The following BORCS8 variants were observed in gnomAD, a reference collection of about 807,000 sequenced individuals.
The protein encoded by BORCS8 is BLOC-1-related complex subunit 8.
Under a neutral mutation model 18.7 loss-of-function variants are expected in BORCS8, and 13 were observed. That is an observed-to-expected ratio of 0.70 (90% CI 0.45 to 1.11). The LOEUF (loss-of-function observed/expected upper bound fraction) is 1.11. BORCS8 is among the 50% of genes least tolerant of loss of function. BORCS8 has a pLI of 0.00. For synonymous variants in BORCS8, 68 were observed against 64.8 expected, an observed-to-expected ratio of 1.05 and a Z score of -0.24; for missense variants, 165 against 165.7, an observed-to-expected ratio of 1.00 and a Z score of 0.02.
intron 5 of BORCS8, chr19:19,177,795 G>A (rs1251336354): frequency 5.9e-6 from 1 of 170,262 alleles, no homozygotes; most frequent in Non-Finnish European, 1.2e-5. Flanking sequence ...GCCAGCACCA[G>A]GCCTATGTCA....
At chr19:19,184,930 G>C (rs2146421156) in intron 3 of BORCS8, among the ~76,000 whole-genome samples, 1 of 151,910 alleles carries the variant, frequency 6.6e-6, no homozygotes, top group East Asian at 1.9e-4. Flanking sequence ...GGAGAGGTCT[G>C]GCTATATCAC....
intron 5 of BORCS8, 43 bp downstream of exon 5, chr19:19,180,643 T>G: frequency 7.2e-7 from 1 of 1,380,440 alleles, no homozygotes; most frequent in South Asian, 1.2e-5. Context: ...GGTTGGTTAG[T>G]TCAGAGCAGA....
chr19:19,185,741 C>T (rs748780031), intron 3 of BORCS8, among the ~76,000 whole-genome samples: 4 of 152,194 alleles, frequency 2.6e-5, no homozygotes, highest in Non-Finnish European at 5.9e-5. Flanking sequence ...CCCCTGGCTG[C>T]CATCCACCCC....
intron 5 of BORCS8, chr19:19,180,253 C>G (rs887762163): frequency 1.4e-5 from 3 of 209,642 alleles, no homozygotes; most frequent in Admixed American, 1.1e-4. Flanking sequence ...CTCGGTCACA[C>G]AGCAGGTAGG....
At chr19:19,191,075 G>A (rs2060467308) in intron 1 of BORCS8, among the ~76,000 whole-genome samples, 1 of 152,094 alleles carries the variant, frequency 6.6e-6, no homozygotes, top group African/African-American at 2.4e-5. Context: ...GGGATTAGCT[G>A]GGTGCAGTGG....
chr19:19,186,841 C>A (rs1568567668), intron 2 of BORCS8, 52 bp downstream of exon 2: 3 of 1,345,500 alleles, frequency 2.2e-6, no homozygotes, highest in Non-Finnish European at 3.0e-6. Context: ...GGTGTCCCAG[C>A]CTTGACTCCT....
At chr19:19,183,588 C>CT (rs879379985) in intron 3 of BORCS8, among the ~76,000 whole-genome samples, 199 of 143,584 alleles carry the variant, frequency 1.4e-3, no homozygotes, top group African/African-American at 3.1e-3. Flanking sequence ...TTTTTTCTTT[C>CT]TTTTTTTTTT....
chr19:19,190,713 G>A (rs528453906), intron 1 of BORCS8, among the ~76,000 whole-genome samples: 2 of 152,026 alleles, frequency 1.3e-5, no homozygotes, highest in African/African-American at 2.4e-5. Flanking sequence ...ACTTGAACCC[G>A]GGAGGCGGAG....
chr19:19,179,858 T>C (rs2060332766), intron 5 of BORCS8: 1 of 152,756 alleles, frequency 6.5e-6, no homozygotes, highest in Non-Finnish European at 1.5e-5. Context: ...GCACTCTGCA[T>C]GGGAGCCGCT....
chr19:19,183,463 C>T (rs1281872640), intron 3 of BORCS8, among the ~76,000 whole-genome samples: 3 of 152,120 alleles, frequency 2.0e-5, no homozygotes, highest in East Asian at 1.9e-4. Context: ...GCTGGCCTCC[C>T]GCCTAGCCCA....
At chr19:19,178,125 T>G (rs946133716) in intron 5 of BORCS8, 7 of 152,386 alleles carry the variant, frequency 4.6e-5, no homozygotes, top group African/African-American at 1.4e-4. Flanking sequence ...ATGACCCCTG[T>G]GAAGACTTTA....
chr19:19,186,136 A>AC (rs965140047), intron 2 of BORCS8, 38 bp from the exon 3 acceptor site: 2 of 1,545,314 alleles, frequency 1.3e-6, no homozygotes. Context: ...AAGGGAGGCC[A>AC]CCCCCACCTA....
At chr19:19,177,672 G>GA (rs1568561594) in intron 5 of BORCS8, 1 of 85,094 alleles carries the variant, frequency 1.2e-5, no homozygotes, top group African/African-American at 5.5e-5. Context: ...AAGGAAGGAA[G>GA]GAAGGAAGGA....
At chr19:19,180,538 C>T in intron 5 of BORCS8, 148 bp downstream of exon 5, 2 of 660,082 alleles carry the variant, frequency 3.0e-6, no homozygotes, top group Non-Finnish European at 5.5e-6. Context: ...CTGCAGACAC[C>T]CCTCCACCTG....
chr19:19,186,189 T>A, intron 2 of BORCS8, 91 bp from the exon 3 acceptor site: 1 of 1,227,084 alleles, frequency 8.1e-7, no homozygotes, highest in African/African-American at 1.5e-5. Flanking sequence ...CTCTCCTGAG[T>A]CCTCATGGTG....
chr19:19,186,481 G>A (rs565649982), intron 2 of BORCS8, among the ~76,000 whole-genome samples: 2 of 152,306 alleles, frequency 1.3e-5, no homozygotes, highest in South Asian at 2.1e-4. Flanking sequence ...GAATCATAGA[G>A]GTGGTTCCCC....
Position 19,182,733 on chromosome 19 carries a change from G to A in BORCS8, c.216-50C>T. 1 of 1,514,614 alleles carries A rather than the reference G, an allele frequency of 6.6e-7. No individual in the cohort carries two copies. The highest frequency in any genetic ancestry group is 8.9e-7 in the Non-Finnish European group (1 of 1,127,668). 93.8% of individuals were successfully genotyped at this position (1,514,614 alleles called of 1,614,324 possible). A position where few individuals can be genotyped will look rare whatever the true frequency, so the allele number is the denominator to read the frequency against. On this transcript the variant is annotated intron_variant, in intron 3 of 5. Coordinates refer to ENST00000462790, the MANE Select transcript of BORCS8 (RefSeq NM_001145784.2). This position sits in a 1 kb window ranked among gnomAD's most constrained non-coding sequence, Gnocchi z 4.1. ...CAGCGCTCCGGACCTGCAGGTAACT[G>A]TCCCACACCCCAGCACTTGAGGTCA...
At chr19:19,181,754 G>A (rs541214417) in intron 4 of BORCS8, 41 of 580,910 alleles carry the variant, frequency 7.1e-5, no homozygotes, top group Middle Eastern at 8.6e-4. Flanking sequence ...CAATTTTCGC[G>A]TCTTAGTTAA....
intron 4 of BORCS8, 69 bp from the exon 5 acceptor site, chr19:19,180,830 G>A: frequency 3.4e-6 from 5 of 1,461,434 alleles, no homozygotes; most frequent in South Asian, 2.7e-5. Context: ...CAGCTGGCTG[G>A]AGTGTATGTT....
Sources: allele counts gnomAD v4.1 joint callset (sites outside exome capture counted in the v4.1 genomes callset), GRCh38; gene constraint gnomAD v4.1.1; non-coding constraint Gnocchi (gnomAD v3.1); transcripts MANE v1.5; gene names NCBI Gene and HGNC (gene_info 2026-07-23, HGNC 2026-07-21).